GRIP1: variants seen among roughly 807,000 people sequenced by gnomAD.
GRIP1 encodes the protein glutamate receptor interacting protein 1.
A neutral mutation model predicts 129.9 loss-of-function variants in GRIP1; 45 were observed. That is an observed-to-expected ratio of 0.35 (90% CI 0.27 to 0.44). The LOEUF is 0.44. Ranked by LOEUF, GRIP1 falls within the 20% of genes least tolerant of loss-of-function variation. The pLI is 1.00. For synonymous variants in GRIP1, 530 were observed against 520.8 expected (o/e 1.02, Z -0.24); for missense variants, 1,196 against 1,396.8 (o/e 0.86, Z 2.29).
chr12:66,532,679 G>T (rs10878443), intron 4 of GRIP1, among the ~76,000 whole-genome samples: 103,265 of 151,974 alleles, frequency 0.68, 35,630 homozygotes, highest in African/African-American at 0.81. Flanking sequence ...CAAGAAGAGC[G>T]TCCTCCAGGT....
At chr12:66,976,885 T>C (rs1040679946) in intron 1 of GRIP1, among the ~76,000 whole-genome samples, 4 of 152,208 alleles carry the variant, frequency 2.6e-5, no homozygotes, top group Non-Finnish European at 5.9e-5. Context: ...CTCTCTTTTT[T>C]GTCCAATCCT....
intron 7 of GRIP1, among the ~76,000 whole-genome samples, chr12:66,509,304 G>A (rs559703431): frequency 4.4e-4 from 67 of 152,122 alleles, no homozygotes; most frequent in Non-Finnish European, 8.2e-4. Flanking sequence ...TGGTTAAGGC[G>A]AGCACTTTAC....
chr12:66,880,530 C>T (rs1478178936), intron 1 of GRIP1, among the ~76,000 whole-genome samples: 12 of 151,946 alleles, frequency 7.9e-5, no homozygotes, highest in Admixed American at 7.9e-4. Flanking sequence ...GCAGGCATAA[C>T]CAGAGGATGA....
At chr12:66,512,941 T>C (rs1038792171) in intron 7 of GRIP1, among the ~76,000 whole-genome samples, 2 of 152,052 alleles carry the variant, frequency 1.3e-5, no homozygotes, top group African/African-American at 4.8e-5. Flanking sequence ...CAGACAAACA[T>C]TTAGGTAGAA....
At chr12:66,448,246 C>T (rs952027877) in intron 11 of GRIP1, among the ~76,000 whole-genome samples, 5 of 152,028 alleles carry the variant, frequency 3.3e-5, no homozygotes, top group African/African-American at 1.2e-4. Flanking sequence ...TTTCTGTGAA[C>T]AGGACCATCA....
rs566092112 is a variant in GRIP1, at chr12:66,467,477, A to G, written c.725-2055T>C. Reference sequence around the variant, plus strand: ...GCCTTACTCTCATCTTGGAGTTTTCAGTGAGTGGGCCCCATGGCTATGTGC... The same window carrying G: ...GCCTTACTCTCATCTTGGAGTTTTCGGTGAGTGGGCCCCATGGCTATGTGC... On this transcript the variant is annotated intron_variant, in intron 7 of 24. Coordinates refer to ENST00000359742, the MANE Select transcript of GRIP1 (RefSeq NM_001366722.1). 1.7e-4 allele frequency among the ~76,000 whole-genome samples: 26 copies of G among 152,220 alleles called. 1 individual carries two copies. Among genetic ancestry groups the G allele is most frequent in the African/African-American group, 6.3e-4 (26 of 41,536 alleles).
intron 1 of GRIP1, among the ~76,000 whole-genome samples, chr12:66,927,675 G>A (rs1381348506): frequency 2.0e-5 from 3 of 152,148 alleles, no homozygotes; most frequent in African/African-American, 7.2e-5. Context: ...GACTTAACAT[G>A]TAAGAGGGGT....
chr12:66,949,307 T>C (rs1175022383), intron 1 of GRIP1, among the ~76,000 whole-genome samples: 1 of 152,076 alleles, frequency 6.6e-6, no homozygotes. Context: ...AGAGAAAAAA[T>C]TTTGAGAGTT....
At chr12:66,877,841 G>A (rs1284602355) in intron 1 of GRIP1, among the ~76,000 whole-genome samples, 1 of 152,054 alleles carries the variant, frequency 6.6e-6, no homozygotes, top group African/African-American at 2.4e-5. Flanking sequence ...TAAAAAATGA[G>A]TGAAAGGAGT....
intron 1 of GRIP1, among the ~76,000 whole-genome samples, chr12:66,636,713 CTCTGTGTGTG>C (rs1473097860): frequency 3.0e-5 from 3 of 101,130 alleles, no homozygotes; most frequent in African/African-American, 9.1e-5. Context: ...GACATTAGAT[CTCTGTGTGTG>C]TGTGTGTGTG....
intron 1 of GRIP1, among the ~76,000 whole-genome samples, chr12:66,962,991 T>G (rs1233553566): frequency 1.3e-5 from 2 of 152,148 alleles, no homozygotes; most frequent in African/African-American, 4.8e-5. Context: ...AACTGGAAAC[T>G]TACTAAGTTT....
At chr12:66,757,906 TG>T (rs1471169919) in intron 1 of GRIP1, among the ~76,000 whole-genome samples, 3 of 152,198 alleles carry the variant, frequency 2.0e-5, no homozygotes, top group African/African-American at 7.2e-5. Flanking sequence ...TTTTGGTTGT[TG>T]GTAAATCCCC....
At chr12:66,698,733 T>C (rs1286452419) in intron 1 of GRIP1, among the ~76,000 whole-genome samples, 1 of 152,154 alleles carries the variant, frequency 6.6e-6, no homozygotes, top group African/African-American at 2.4e-5. Context: ...TGAATCTACC[T>C]ATCGTATCTA....
chr12:66,688,653 T>C (rs11176379), intron 1 of GRIP1, among the ~76,000 whole-genome samples: 13,738 of 152,124 alleles, frequency 0.09, 643 homozygotes, highest in East Asian at 0.2. Flanking sequence ...AGAAGGGTCC[T>C]TTTCTTTCAC....
chr12:66,582,882 T>C (rs1490895958), intron 2 of GRIP1, among the ~76,000 whole-genome samples: 1 of 147,476 alleles, frequency 6.8e-6, no homozygotes, highest in Non-Finnish European at 1.5e-5. Flanking sequence ...CCAATGACTT[T>C]CTTCACAGAA....
At chr12:66,573,227 T>G (rs1205888269) in intron 2 of GRIP1, among the ~76,000 whole-genome samples, 1 of 152,096 alleles carries the variant, frequency 6.6e-6, no homozygotes, top group East Asian at 1.9e-4. Context: ...ACCAAAGCCC[T>G]GAACTGAATT....
chr12:66,697,479 G>C (rs549073946), intron 1 of GRIP1, among the ~76,000 whole-genome samples: 132 of 152,268 alleles, frequency 8.7e-4, no homozygotes, highest in Admixed American at 3.7e-3. Flanking sequence ...TCTTCAAACA[G>C]AAGGCAGAAT....
chr12:66,824,795 CT>C (rs567099565), intron 1 of GRIP1, among the ~76,000 whole-genome samples: 64 of 152,118 alleles, frequency 4.2e-4, no homozygotes, highest in Non-Finnish European at 1.5e-4. Flanking sequence ...TGACTTTTAT[CT>C]TTTTTTAAGA....
At chr12:66,789,621 T>G (rs995692649) in intron 1 of GRIP1, among the ~76,000 whole-genome samples, 1 of 140,010 alleles carries the variant, frequency 7.1e-6, no homozygotes, top group Non-Finnish European at 1.6e-5. Flanking sequence ...TTTACTGTCA[T>G]GTAAAAAATT....
Sources: allele counts gnomAD v4.1 joint callset (sites outside exome capture counted in the v4.1 genomes callset), GRCh38; gene constraint gnomAD v4.1.1; transcripts MANE v1.5; gene names NCBI Gene and HGNC (gene_info 2026-07-23, HGNC 2026-07-21).